Variants in TRAFD1 observed in about 807,000 individuals in gnomAD.
TRAFD1 encodes the protein TRAF-type zinc finger domain-containing protein 1.
TRAFD1 carries 38 observed loss-of-function variants against 65.3 expected under a neutral mutation model. That is an observed-to-expected ratio of 0.58 (90% CI 0.45 to 0.76). TRAFD1 has a LOEUF of 0.76. Among genes scored for constraint, TRAFD1 ranks in the 30% least tolerant of loss-of-function variants. The probability of loss-of-function intolerance (pLI) is 0.00; values close to 1 mark genes in which losing one functional copy is unlikely to be tolerated. For synonymous variants in TRAFD1, 223 were observed against 257.2 expected, an observed-to-expected ratio of 0.87 and a Z score of 1.27; for missense variants, 631 against 712.6, an observed-to-expected ratio of 0.89 and a Z score of 1.30.
chr12:112,136,404 T>C lies in TRAFD1; in HGVS notation c.237+1338T>C, dbSNP rs937529759. Among the ~76,000 whole-genome samples the C allele has an allele frequency of 5.9e-5, 9 of 151,578 alleles. No homozygotes were observed. The East Asian group carries it at 1.2e-3, about 20-fold the overall frequency. ...AAGCGATTCTCCTTCCTCAGCCTCC[T>C]GAGTAGCTGGGGTTATAGGCGTGCT... On this transcript the variant is annotated intron_variant, in intron 4 of 11. Coordinates refer to ENST00000412615, the MANE Select transcript of TRAFD1 (RefSeq NM_006700.3).
At chr12:112,126,197 A>C (rs2079536312) in intron 1 of TRAFD1, 1 of 151,560 alleles carries the variant, frequency 6.6e-6, no homozygotes, top group African/African-American at 2.4e-5. Context: ...TTACTTCTTC[A>C]CTCCCCATCA....
intron 4 of TRAFD1, among the ~76,000 whole-genome samples, chr12:112,138,217 G>A (rs2029973416): frequency 6.6e-6 from 1 of 152,028 alleles, no homozygotes; most frequent in African/African-American, 2.4e-5. Flanking sequence ...TCCAGCCTAG[G>A]CGACAAAGTA....
rs778478767 is a variant in TRAFD1, at chr12:112,145,568, G to T, written c.851-18G>T. Reference sequence around the variant, plus strand: ...GTTTTTGTTCATCCTGAGTCTCATTGTGTGGCCTAATACCTAGGTGCAGCT... The same window carrying T: ...GTTTTTGTTCATCCTGAGTCTCATTTTGTGGCCTAATACCTAGGTGCAGCT... On this transcript the variant is annotated intron_variant, in intron 6 of 11. Transcript: ENST00000412615. The T allele has an allele frequency of 2.5e-6, 4 of 1,613,858 alleles. No individual in the cohort carries two copies. Among genetic ancestry groups the T allele is most frequent in the Non-Finnish European group, 3.4e-6 (4 of 1,179,828 alleles).
intron 7 of TRAFD1, among the ~76,000 whole-genome samples, chr12:112,147,108 TCCTG>T (rs2030273143): frequency 6.7e-6 from 1 of 149,676 alleles, no homozygotes; most frequent in Non-Finnish European, 1.5e-5. Context: ...CCGGCTGTTC[TCCTG>T]CCTTAGCCTC....
intron 2 of TRAFD1, among the ~76,000 whole-genome samples, chr12:112,131,276 G>T (rs539732266): frequency 7.9e-5 from 12 of 152,240 alleles, no homozygotes; most frequent in African/African-American, 2.9e-4. Context: ...ATAATCAAAA[G>T]AAAACATGAT....
intron 6 of TRAFD1, 103 bp from the exon 7 acceptor site, chr12:112,145,483 A>G: frequency 8.5e-7 from 1 of 1,177,664 alleles, no homozygotes; most frequent in South Asian, 1.4e-5. Flanking sequence ...AGAAACATTA[A>G]AGAAAGCCAA....
At chr12:112,126,885 C>T (rs909433578) in intron 1 of TRAFD1, among the ~76,000 whole-genome samples, 4 of 152,152 alleles carry the variant, frequency 2.6e-5, no homozygotes, top group African/African-American at 9.7e-5. Flanking sequence ...AACCCCAGAC[C>T]TCCAGTGATC....
chr12:112,151,337 T>G (rs2030400138), intron 9 of TRAFD1, among the ~76,000 whole-genome samples: 1 of 152,112 alleles, frequency 6.6e-6, no homozygotes, highest in Admixed American at 6.5e-5. Flanking sequence ...ATTGATAAAA[T>G]ATCCCCATCT....
chr12:112,134,275 G>A (rs543213976), intron 2 of TRAFD1, among the ~76,000 whole-genome samples: 20 of 150,038 alleles, frequency 1.3e-4, no homozygotes, highest in African/African-American at 4.9e-4. Flanking sequence ...CTCTCAAAGT[G>A]CTGGGATTAC....
At chr12:112,146,987 GTTTTTT>G (rs547077120) in intron 7 of TRAFD1, among the ~76,000 whole-genome samples, 17 of 52,506 alleles carry the variant, frequency 3.2e-4, no homozygotes, top group Non-Finnish European at 5.3e-4. Flanking sequence ...GGGAACTTCT[GTTTTTT>G]TTTTTTTTTT....
intron 8 of TRAFD1, chr12:112,149,284 T>G (rs2030337618): frequency 6.5e-6 from 1 of 152,988 alleles, no homozygotes; most frequent in South Asian, 2.0e-4. Context: ...GATAAGTGAC[T>G]GCTTACCCTC....
intron 6 of TRAFD1, among the ~76,000 whole-genome samples, chr12:112,143,541 TATCG>T (rs1250885231): frequency 6.6e-6 from 1 of 151,870 alleles, no homozygotes; most frequent in East Asian, 2.0e-4. Flanking sequence ...GGTAATTTCT[TATCG>T]GTCTTCTAGT....
chr12:112,140,464 G>T (rs2030056348), intron 4 of TRAFD1, among the ~76,000 whole-genome samples: 1 of 151,862 alleles, frequency 6.6e-6, no homozygotes, highest in Non-Finnish European at 1.5e-5. Context: ...GTTGGTAGGG[G>T]ACAGGGACAT....
Position 112,134,841 on chromosome 12 carries a change from A to G in TRAFD1, c.151A>G (p.Met51Val), listed in dbSNP as rs747050194. The change falls in exon 3 of 12, where the codon ATG becomes GTG. Residue 51 changes from methionine (M) to valine (V), a missense_variant. Met to Val is a conservative substitution (Grantham distance 21, BLOSUM62 1). Transcript: ENST00000412615. ...TCKEPFPKSD[M>V]ETHMAAEHCQ... is the part of the protein sequence containing the mutation. ...TAAGGAACCATTTCCCAAATCTGAC[A>G]TGGAGACTCACATGGCTGCAGAACA... 2 of 1,613,734 alleles carry G rather than the reference A, an allele frequency of 1.2e-6. No individual in the cohort carries two copies. Among genetic ancestry groups the G allele is most frequent in the Non-Finnish European group, 8.5e-7 (1 of 1,179,602 alleles).
intron 2 of TRAFD1, among the ~76,000 whole-genome samples, chr12:112,133,614 G>A (rs891925111): frequency 6.6e-6 from 1 of 152,024 alleles, no homozygotes; most frequent in African/African-American, 2.4e-5. Flanking sequence ...GATCAGCTCT[G>A]ACTTTGAGAA....
chr12:112,143,382 C>G (rs987334222), intron 6 of TRAFD1, among the ~76,000 whole-genome samples: 2 of 151,954 alleles, frequency 1.3e-5, no homozygotes, highest in African/African-American at 2.4e-5. Flanking sequence ...CCCAGCCATG[C>G]CCGGCTAATT....
intron 2 of TRAFD1, among the ~76,000 whole-genome samples, chr12:112,132,007 A>T (rs1019798011): frequency 6.6e-5 from 10 of 152,152 alleles, no homozygotes; most frequent in Non-Finnish European, 1.3e-4. Flanking sequence ...TGTATGTAGT[A>T]TGTCAACAAG....
intron 5 of TRAFD1, among the ~76,000 whole-genome samples, chr12:112,141,710 TTC>T (rs2030095039): frequency 6.6e-6 from 1 of 152,226 alleles, no homozygotes; most frequent in Non-Finnish European, 1.5e-5. Flanking sequence ...ACTCATTTAA[TTC>T]TCTCATTATT....
At chr12:112,139,955 T>C (rs1282255666) in intron 4 of TRAFD1, among the ~76,000 whole-genome samples, 2 of 151,966 alleles carry the variant, frequency 1.3e-5, no homozygotes, top group African/African-American at 4.8e-5. Flanking sequence ...TGAGCTGAGA[T>C]TGCACCATGC....
Sources: allele counts gnomAD v4.1 joint callset (sites outside exome capture counted in the v4.1 genomes callset), GRCh38; gene constraint gnomAD v4.1.1; transcripts MANE v1.5; gene names NCBI Gene and HGNC (gene_info 2026-07-23, HGNC 2026-07-21).